CORO2A: variants seen among roughly 807,000 people sequenced by gnomAD.
CORO2A encodes coronin-2A.
In CORO2A, 47 loss-of-function variants were observed where a neutral mutation model predicts 62.4. The ratio of observed to expected loss-of-function variants is 0.75; its 90% confidence interval spans 0.60 to 0.96. CORO2A has a LOEUF of 0.96. Ranked by LOEUF, CORO2A falls within the 40% of genes least tolerant of loss-of-function variation. The probability of loss-of-function intolerance (pLI) is 0.00; values close to 1 mark genes in which losing one functional copy is unlikely to be tolerated. For synonymous variants in CORO2A, 273 were observed against 268.9 expected, an observed-to-expected ratio of 1.02 and a Z score of -0.15; for missense variants, 610 against 684.1, an observed-to-expected ratio of 0.89 and a Z score of 1.21.
Position 98,158,605 on chromosome 9 carries a change from G to A in CORO2A, c.1-945C>T, listed in dbSNP as rs575215161. Reference sequence around the variant, plus strand: ...CTGGGTGAGGCTACTAGGAGAGTCTGGGCCACTGGGACCGACTGTACTATG... The same window carrying A: ...CTGGGTGAGGCTACTAGGAGAGTCTAGGCCACTGGGACCGACTGTACTATG... On this transcript the variant is annotated intron_variant, in intron 1 of 11. Coordinates refer to ENST00000375077, the MANE Select transcript of CORO2A (RefSeq NM_052820.4). Among the ~76,000 whole-genome samples, 9 of 152,212 alleles carry A rather than the reference G, an allele frequency of 5.9e-5. No individual in the cohort carries two copies. The East Asian group carries it at 1.7e-3, about 29-fold the overall frequency.
At chr9:98,129,661 A>T (rs1231788227) in intron 8 of CORO2A, 133 bp downstream of exon 8, 2 of 708,376 alleles carry the variant, frequency 2.8e-6, no homozygotes, top group Non-Finnish European at 5.1e-6. Flanking sequence ...GAGTGTTGCT[A>T]TGCTGTCTCT....
chr9:98,187,997 C>T (rs992669946), intron 1 of CORO2A, among the ~76,000 whole-genome samples: 3 of 152,210 alleles, frequency 2.0e-5, no homozygotes, highest in African/African-American at 4.8e-5. Context: ...GTCATACACT[C>T]GCAGGATTCC....
At position 98,126,645 on chromosome 9, in the gene CORO2A, T is replaced by A; in HGVS notation, c.1350A>T (p.Pro450=). 1 of 1,614,216 alleles carries A rather than the reference T, an allele frequency of 6.2e-7. No individual in the cohort carries two copies. Among genetic ancestry groups the A allele is most frequent in the African/African-American group, 1.3e-5 (1 of 75,054 alleles). ...RSSSLLEEKM[P]RWAAEHRLEE... ...CCAGCCTGTGTTCTGCTGCCCACCT[T>A]GGCATCTTCTCCTCCAACAGGGAGG... The change falls in exon 11 of 12, where the codon CCA becomes CCT. Residue 450 remains proline (P), a synonymous_variant. Coordinates refer to ENST00000375077, the MANE Select transcript of CORO2A (RefSeq NM_052820.4).
At chr9:98,174,157 G>C (rs1373448047) in intron 1 of CORO2A, among the ~76,000 whole-genome samples, 1 of 95,750 alleles carries the variant, frequency 1.0e-5, no homozygotes, top group Non-Finnish European at 1.9e-5. Flanking sequence ...AAAAACCAAA[G>C]AGCGTGTAGC....
intron 1 of CORO2A, among the ~76,000 whole-genome samples, chr9:98,173,205 G>A (rs535525628): frequency 3.3e-5 from 5 of 152,292 alleles, no homozygotes; most frequent in African/African-American, 9.6e-5. Flanking sequence ...ATTCGGCAGC[G>A]TGGGTGAGAG....
chr9:98,130,325 G>T (rs1827387154), intron 7 of CORO2A, among the ~76,000 whole-genome samples: 2 of 152,152 alleles, frequency 1.3e-5, no homozygotes, highest in African/African-American at 4.8e-5. Context: ...GGGCTCAAGT[G>T]ATTCTCCCAC....
At chr9:98,191,787 G>A (rs934826811) in intron 1 of CORO2A, among the ~76,000 whole-genome samples, 2 of 152,194 alleles carry the variant, frequency 1.3e-5, no homozygotes, top group African/African-American at 2.4e-5. Flanking sequence ...AGGCGTGGCC[G>A]CCAGTCACCC....
chr9:98,190,876 C>T (rs954590107), intron 1 of CORO2A, among the ~76,000 whole-genome samples: 1 of 152,208 alleles, frequency 6.6e-6, no homozygotes, highest in Non-Finnish European at 1.5e-5. Flanking sequence ...GGGATAATAA[C>T]ACTCATTTGT....
At chr9:98,135,361 T>A (rs1444581131) in intron 3 of CORO2A, among the ~76,000 whole-genome samples, 1 of 152,104 alleles carries the variant, frequency 6.6e-6, no homozygotes, top group Non-Finnish European at 1.5e-5. Flanking sequence ...AATGCCAGGA[T>A]GAAGGGTTTA....
intron 1 of CORO2A, among the ~76,000 whole-genome samples, chr9:98,158,347 A>G (rs1827835386): frequency 6.6e-6 from 1 of 152,220 alleles, no homozygotes; most frequent in South Asian, 2.1e-4. Context: ...ATAAGGATTA[A>G]GTTAGATGAT....
chr9:98,190,517 T>C lies in CORO2A; in HGVS notation c.-1+2042A>G, dbSNP rs533276584. On this transcript the variant is annotated intron_variant, in intron 1 of 11. Transcript: ENST00000375077. The stretch of plus-strand genomic sequence containing the variant: ...GGATCCCTGGGCTCGGTTGCTGGTT[T>C]GCTGTGTGACCTTTGCCCAGTCACA... Among the ~76,000 whole-genome samples the C allele has an allele frequency of 5.3e-5, 8 of 152,310 alleles. No individual in the cohort carries two copies. In the South Asian group the frequency reaches 1.0e-3, roughly 20 times the overall value.
chr9:98,177,800 AATC>A (rs1410700556), intron 1 of CORO2A, among the ~76,000 whole-genome samples: 2 of 151,998 alleles, frequency 1.3e-5, no homozygotes, highest in Admixed American at 6.6e-5. Flanking sequence ...ATATACAAGT[AATC>A]ATCATCAACC....
chr9:98,140,169 C>T (rs1827546381), intron 2 of CORO2A, among the ~76,000 whole-genome samples: 1 of 152,144 alleles, frequency 6.6e-6, no homozygotes, highest in Admixed American at 6.5e-5. Context: ...CAGAATGCTC[C>T]CCCAGCCATT....
At chr9:98,127,913 T>C (rs1827349681) in intron 10 of CORO2A, among the ~76,000 whole-genome samples, 1 of 143,610 alleles carries the variant, frequency 7.0e-6, no homozygotes, top group African/African-American at 2.5e-5. Flanking sequence ...GCACCCCACA[T>C]AGCCCCAGAG....
Position 98,126,721 on chromosome 9 carries a change from C to G in CORO2A, c.1274G>C (p.Arg425Pro), listed in dbSNP as rs146552729. Residue 425 changes from arginine to proline, a missense_variant, in exon 11 of 12, where the codon CGG becomes CCG. Physicochemically the swap from Arg to Pro is moderately radical, Grantham distance 103. Transcript: ENST00000375077. ...CAGCTTTTCTGTCTGATTCAAGAGC[C>G]GGGGTGAGGCTGGGGCCATGGAATT... ...IFNSMAPASP[R>P]LLNQTEKLAA... The G allele has an allele frequency of 1.9e-6, 3 of 1,614,156 alleles. No individual in the cohort carries two copies. The South Asian group carries it at 3.3e-5, about 18-fold the overall frequency.
intron 2 of CORO2A, among the ~76,000 whole-genome samples, chr9:98,152,075 C>T (rs1346763851): frequency 6.6e-6 from 1 of 151,440 alleles, no homozygotes; most frequent in African/African-American, 2.4e-5. Flanking sequence ...CCTTGGCCTC[C>T]CAAAGTGCTG....
At chr9:98,180,662 C>T (rs535411322) in intron 1 of CORO2A, among the ~76,000 whole-genome samples, 6 of 152,242 alleles carry the variant, frequency 3.9e-5, no homozygotes, top group East Asian at 3.9e-4. Flanking sequence ...CCACCTGCTT[C>T]CAAAGTCACT....
intron 1 of CORO2A, among the ~76,000 whole-genome samples, chr9:98,166,944 T>TA (rs35394733): frequency 0.33 from 48,879 of 148,218 alleles, 7,841 homozygotes; most frequent in South Asian, 0.35. Context: ...CTGCTAGAAA[T>TA]AAAAAAAAAA....
Position 98,133,089 on chromosome 9 carries a change from G to A in CORO2A, c.597C>T (p.Cys199=). 1 of 1,614,242 alleles carries A rather than the reference G, an allele frequency of 6.2e-7. No homozygotes were observed. The highest frequency in any genetic ancestry group is 1.1e-5 in the South Asian group (1 of 91,088). ...NTNGSLLATT[C]KDRKIRVIDP... ...CAATAACCCGAATCTTGCGGTCTTT[G>A]CAGGTGGTGGCCAACAGGCTGCCGT... is the stretch of plus-strand genomic sequence containing the variant. The change falls in exon 5 of 12, where the codon TGC becomes TGT. Residue 199 remains cysteine (C), a synonymous_variant. Coordinates refer to ENST00000375077, the MANE Select transcript of CORO2A (RefSeq NM_052820.4).
Sources: gnomAD v4.1 joint callset for allele counts (sites outside exome capture counted in the v4.1 genomes callset) on GRCh38, gnomAD v4.1.1 for gene constraint, MANE v1.5 for transcripts, NCBI Gene and HGNC (gene_info 2026-07-23, HGNC 2026-07-21) for gene names.